Variants in CACNA1I observed in about 807,000 individuals in gnomAD.
CACNA1I encodes the protein voltage-dependent T-type calcium channel subunit alpha-1I.
In CACNA1I, 74 loss-of-function variants were observed where a neutral mutation model predicts 201.6. That is an observed-to-expected ratio of 0.37 (90% CI 0.30 to 0.45). CACNA1I has a LOEUF of 0.45. CACNA1I is among the 20% of genes least tolerant of loss of function. CACNA1I has a pLI of 1.00. For synonymous variants in CACNA1I, 1,431 were observed against 1,345.2 expected, an observed-to-expected ratio of 1.06 and a Z score of -1.40; for missense variants, 2,346 against 3,138.1, an observed-to-expected ratio of 0.75 and a Z score of 6.03.
Position 39,664,080 on chromosome 22 carries a change from G to A in CACNA1I, c.3598-11G>A, listed in dbSNP as rs1340616316. 6.2e-7 allele frequency: 1 copy of A among 1,613,102 alleles called. No homozygotes were observed. Among genetic ancestry groups the A allele is most frequent in the Non-Finnish European group, 8.5e-7 (1 of 1,179,336 alleles). ...AGCCCCTGAGCCTATGGTATCTCCC[G>A]ATGCTTTCAGGAACGCATCTTTCTC... On this transcript the variant is annotated splice_polypyrimidine_tract_variant and intron_variant, in intron 19 of 36. Coordinates refer to ENST00000402142, the MANE Select transcript of CACNA1I (RefSeq NM_021096.4).
intron 4 of CACNA1I, 127 bp downstream of exon 4, chr22:39,619,534 C>T (rs1933664847): frequency 2.9e-6 from 2 of 682,316 alleles, no homozygotes; most frequent in Non-Finnish European, 5.1e-6. Flanking sequence ...CTGATTAGGG[C>T]CCGGGTGTGC....
In CACNA1I at chr22:39,666,098, C is replaced by T. The variant is rs1935186241; in HGVS notation, c.4104+92C>T. Reference sequence around the variant, plus strand: ...CACAGACCTGGCTTGTCTTGCACTGCCAGGACTGACACTGACTTCTCCTCT... The same window carrying T: ...CACAGACCTGGCTTGTCTTGCACTGTCAGGACTGACACTGACTTCTCCTCT... On this transcript the variant is annotated intron_variant, in intron 23 of 36. Transcript: ENST00000402142. This position sits in a 1 kb window ranked among gnomAD's most constrained non-coding sequence, Gnocchi z 4.1. The T allele has an allele frequency of 6.9e-7, 1 of 1,451,220 alleles. No individual in the cohort carries two copies. The allele number at this position is 1,451,220 out of a possible 1,614,324, so 89.9% of individuals were successfully genotyped here. A position where few individuals can be genotyped will look rare whatever the true frequency, so the allele number is the denominator to read the frequency against.
In CACNA1I at chr22:39,685,719, G is replaced by T. The variant is rs1935840817; in HGVS notation, c.6028-42G>T. 1 of 1,406,364 alleles carries T rather than the reference G, an allele frequency of 7.1e-7. No homozygotes were observed. 87.1% of individuals were successfully genotyped at this position (1,406,364 alleles called of 1,614,324 possible). A position where few individuals can be genotyped will look rare whatever the true frequency, so the allele number is the denominator to read the frequency against. On this transcript the variant is annotated intron_variant, in intron 36 of 36. Coordinates refer to ENST00000402142, the MANE Select transcript of CACNA1I (RefSeq NM_021096.4). The surrounding 1 kb of genome is among the most constrained non-coding windows in gnomAD (Gnocchi z 5.0). ...GGCGGCGTCCAGGTTGCTGGGGTGG[G>T]GGCCGACACAGGCGGCCTCCACGGC...
intron 2 of CACNA1I, among the ~76,000 whole-genome samples, chr22:39,599,183 C>G (rs1485617820): frequency 6.8e-6 from 1 of 147,760 alleles, no homozygotes; most frequent in Non-Finnish European, 1.5e-5. Context: ...CTCCTGACCT[C>G]GTGATCTGCC....
chr22:39,583,704 A>G lies in CACNA1I; in HGVS notation c.236+12716A>G, dbSNP rs1258418699. The stretch of plus-strand genomic sequence containing the variant: ...GATTATCCTTCCACATTTCTCATCC[A>G]TTCTACTGTCTGCTGAATGCCCAGA... On this transcript the variant is annotated intron_variant, in intron 1 of 36. Coordinates refer to ENST00000402142, the MANE Select transcript of CACNA1I (RefSeq NM_021096.4). 2.0e-5 allele frequency among the ~76,000 whole-genome samples: 3 copies of G among 152,332 alleles called. No individual in the cohort carries two copies. In the South Asian group the frequency reaches 6.2e-4, roughly 32 times the overall value.
chr22:39,578,081 A>C (rs1279868453), intron 1 of CACNA1I, among the ~76,000 whole-genome samples: 1 of 149,148 alleles, frequency 6.7e-6, no homozygotes, highest in Admixed American at 6.6e-5. Flanking sequence ...GGAGACGCCT[A>C]GGGCTTGGCC....
intron 31 of CACNA1I, among the ~76,000 whole-genome samples, chr22:39,678,374 C>T (rs1367834627): frequency 1.3e-5 from 2 of 152,222 alleles, no homozygotes; most frequent in Admixed American, 6.5e-5. Context: ...CACCCAGTTC[C>T]GGAGGGGACC....
chr22:39,679,302 G>C lies in CACNA1I; in HGVS notation c.5251G>C (p.Glu1751Gln). The change falls in exon 32 of 37, where the codon GAG (glutamate) becomes CAG (glutamine). Residue 1751 changes from glutamate to glutamine, a missense_variant. Glu to Gln is a conservative substitution (Grantham distance 29). This residue lies in a region of CACNA1I where 441 missense variants were observed against 555.6 expected (regional missense o/e 0.79). Transcript: ENST00000402142. ...GGACGCCGAGATGGATGCCGAGCTC[G>C]AGCTGGAGATGGCCCATGGCCTGGG... ...QEDAEMDAEL[E>Q]LEMAHGLGPG... The C allele has an allele frequency of 1.3e-6, 2 of 1,560,034 alleles. No individual in the cohort carries two copies. The highest frequency in any genetic ancestry group is 1.7e-6 in the Non-Finnish European group (2 of 1,152,730).
intron 14 of CACNA1I, 52 bp from the exon 15 acceptor site, chr22:39,660,292 G>T (rs1378292765): frequency 2.9e-6 from 4 of 1,389,424 alleles, no homozygotes; most frequent in Non-Finnish European, 4.0e-6. Context: ...AGGGAGCTGG[G>T]AAGGGAGGAG....
chr22:39,585,812 C>A (rs533260724), intron 1 of CACNA1I, among the ~76,000 whole-genome samples: 96 of 143,940 alleles, frequency 6.7e-4, no homozygotes, highest in African/African-American at 2.2e-3. Context: ...GATCCACCAG[C>A]CTCAGCCTCC....
At chr22:39,585,494 A>G (rs1439269981) in intron 1 of CACNA1I, among the ~76,000 whole-genome samples, 4 of 139,134 alleles carry the variant, frequency 2.9e-5, no homozygotes, top group Non-Finnish European at 4.5e-5. Flanking sequence ...ATTTTAAGCG[A>G]TTCTCCTGCC....
chr22:39,667,907 G>A (rs1226331288), intron 23 of CACNA1I, among the ~76,000 whole-genome samples: 1 of 152,126 alleles, frequency 6.6e-6, no homozygotes, highest in Non-Finnish European at 1.5e-5. Flanking sequence ...GGCAGGGACC[G>A]TCTGGTTGAG....
Position 39,680,972 on chromosome 22 carries a change from A to G in CACNA1I, c.5584A>G (p.Arg1862Gly). The G allele has an allele frequency of 6.2e-7, 1 of 1,612,000 alleles. No homozygotes were observed. Among genetic ancestry groups the G allele is most frequent in the South Asian group, 1.1e-5 (1 of 90,892 alleles). The change falls in exon 34 of 37, where the codon AGG becomes GGG. Residue 1862 changes from arginine to glycine, a missense_variant. Arg to Gly is a moderately radical substitution (Grantham distance 125, BLOSUM62 -2). This residue lies in a region of CACNA1I where 441 missense variants were observed against 555.6 expected (regional missense o/e 0.79). Coordinates refer to ENST00000402142, the MANE Select transcript of CACNA1I (RefSeq NM_021096.4). The stretch of plus-strand genomic sequence containing the variant: ...GGAGGCCTTCTCCCTGAACTCAGAC[A>G]GGTCCTCGTCCATCCTGCTGGGTGA... ...ETEAFSLNSD[R>G]SSSILLGDDL... is the part of the protein sequence containing the mutation.
chr22:39,598,395 C>A (rs558467915), intron 2 of CACNA1I, 133 bp downstream of exon 2: 4 of 625,240 alleles, frequency 6.4e-6, no homozygotes, highest in African/African-American at 5.5e-5. Context: ...CCGCTCCGTG[C>A]CCTTCCCCAT....
In CACNA1I at chr22:39,598,317, C is replaced by T. The variant is rs1429170136; in HGVS notation, c.348+55C>T. On this transcript the variant is annotated intron_variant, in intron 2 of 36. Transcript: ENST00000402142. ...CTGCCCTCATCCTCCAGGACCCGGC[C>T]TATGCCCCGCCCACTCCACACCCCC... 7 of 946,012 alleles carry T rather than the reference C, an allele frequency of 7.4e-6. No individual in the cohort carries two copies. The Admixed American group carries it at 1.5e-4, about 20-fold the overall frequency. The allele number at this position is 946,012 out of a possible 1,614,324, so 58.6% of individuals were successfully genotyped here.
At position 39,647,946 on chromosome 22, in the gene CACNA1I, G is replaced by A. The variant is rs1484340754; in HGVS notation, c.1567+20G>A. On this transcript the variant is annotated intron_variant, in intron 9 of 36. Coordinates refer to ENST00000402142, the MANE Select transcript of CACNA1I (RefSeq NM_021096.4). ...GAAGAGGCAAGCCAGGGCCACGGGA[G>A]GTGGGCCCTGCCCCCAGCCCCAATA... 9 of 1,604,070 alleles carry A rather than the reference G, an allele frequency of 5.6e-6. No homozygotes were observed. The East Asian group carries it at 2.0e-4, about 36-fold the overall frequency.
In CACNA1I at chr22:39,613,724, C is replaced by G. The variant is rs5750858; in HGVS notation, c.483-5586C>G. Among the ~76,000 whole-genome samples, 16 of 152,330 alleles carry G rather than the reference C, an allele frequency of 1.1e-4. No homozygotes were observed. The East Asian group carries it at 2.9e-3, about 28-fold the overall frequency. ...CCTGGTCAGCAGAGGGTAACGCTCC[C>G]GAGCCGGAGGCGCTGGCCTGCTCCG... On this transcript the variant is annotated intron_variant, in intron 3 of 36. Transcript: ENST00000402142.
intron 1 of CACNA1I, among the ~76,000 whole-genome samples, chr22:39,572,411 C>T (rs1244533321): frequency 6.6e-6 from 1 of 152,072 alleles, no homozygotes; most frequent in Non-Finnish European, 1.5e-5. Context: ...CCAGGGATGC[C>T]AGATGCAGGC....
intron 10 of CACNA1I, among the ~76,000 whole-genome samples, chr22:39,651,774 G>A (rs1489282564): frequency 6.6e-6 from 1 of 152,222 alleles, no homozygotes; most frequent in African/African-American, 2.4e-5. Flanking sequence ...GAAAGAGTTG[G>A]GAGCTTGAAA....
Sources: allele counts gnomAD v4.1 joint callset (sites outside exome capture counted in the v4.1 genomes callset), GRCh38; gene constraint gnomAD v4.1.1; regional missense constraint gnomAD v4.1.1; non-coding constraint Gnocchi (gnomAD v3.1); transcripts MANE v1.5; gene names NCBI Gene and HGNC (gene_info 2026-07-23, HGNC 2026-07-21).